TMEM200A: variants seen among roughly 807,000 people sequenced by gnomAD.
TMEM200A encodes the protein two transmembrane C.
TMEM200A carries 12 observed loss-of-function variants against 24.3 expected under a neutral mutation model. The ratio of observed to expected loss-of-function variants is 0.49; its 90% confidence interval spans 0.32 to 0.80. The LOEUF (loss-of-function observed/expected upper bound fraction) is 0.80. TMEM200A is among the 30% of genes least tolerant of loss of function. TMEM200A has a pLI of 0.04. For synonymous variants in TMEM200A, 224 were observed against 224.4 expected, an observed-to-expected ratio of 1.00 and a Z score of 0.02; for missense variants, 545 against 614.4, an observed-to-expected ratio of 0.89 and a Z score of 1.19.
intron 1 of TMEM200A, among the ~76,000 whole-genome samples, chr6:130,373,532 T>C (rs1344536988): frequency 6.6e-6 from 1 of 151,320 alleles, no homozygotes; most frequent in Non-Finnish European, 1.5e-5. Flanking sequence ...AATGTCAGTA[T>C]AATATTGGAT....
At chr6:130,399,721 G>C (rs1025419797) in intron 2 of TMEM200A, among the ~76,000 whole-genome samples, 4 of 150,990 alleles carry the variant, frequency 2.6e-5, no homozygotes, top group Admixed American at 2.0e-4. Flanking sequence ...GTGTACAGGT[G>C]GTATTTGATT....
chr6:130,366,347 G>C lies in TMEM200A; in HGVS notation c.-258G>C. ...CCCGCGGTGGCCGCCCGAGCCCTGGGATGGGGAGGGAGACCGCGGCTGCCC... is the reference window on the plus strand; with the variant it reads ...CCCGCGGTGGCCGCCCGAGCCCTGGCATGGGGAGGGAGACCGCGGCTGCCC... On this transcript the variant is annotated 5_prime_UTR_variant, in exon 1 of 3. Coordinates refer to ENST00000296978, the MANE Select transcript of TMEM200A (RefSeq NM_001258277.2). The surrounding 1 kb of genome is among the most constrained non-coding windows in gnomAD (Gnocchi z 4.4). The C allele has an allele frequency of 1.0e-6, 1 of 985,286 alleles. No homozygotes were observed. The highest frequency in any genetic ancestry group is 1.2e-6 in the Non-Finnish European group (1 of 829,912). 61.0% of individuals were successfully genotyped at this position (985,286 alleles called of 1,614,324 possible). A position where few individuals can be genotyped will look rare whatever the true frequency, so the allele number is the denominator to read the frequency against.
In TMEM200A at chr6:130,442,849, A is replaced by G. The variant is rs952444542; in HGVS notation, c.*951A>G. Reference sequence around the variant, plus strand: ...CTTTAGATCCTAGTATTTGGAAAACAATCGGCTAACCTTGACATTTCTTTT... The same window carrying G: ...CTTTAGATCCTAGTATTTGGAAAACGATCGGCTAACCTTGACATTTCTTTT... On this transcript the variant is annotated 3_prime_UTR_variant, in exon 3 of 3. Transcript: ENST00000296978. 6.0e-6 allele frequency: 1 copy of G among 166,980 alleles called. No individual in the cohort carries two copies. Among genetic ancestry groups the G allele is most frequent in the Non-Finnish European group, 1.5e-5 (1 of 68,074 alleles). The allele number at this position is 166,980 out of a possible 1,614,324, so 10.3% of individuals were successfully genotyped here. A position where few individuals can be genotyped will look rare whatever the true frequency, so the allele number is the denominator to read the frequency against.
At chr6:130,380,039 C>T (rs1279764400) in intron 1 of TMEM200A, among the ~76,000 whole-genome samples, 1 of 152,080 alleles carries the variant, frequency 6.6e-6, no homozygotes, top group African/African-American at 2.4e-5. Context: ...TACTGAAGCC[C>T]TTTTTGAATA....
At position 130,440,824 on chromosome 6, in the gene TMEM200A, G is replaced by A; in HGVS notation, c.402G>A (p.Gly134=). ...AAATGCTTGGCCCATTCACCATGGGGATTGGCATTTTCATTTTCATTTGTG... is the reference window on the plus strand; with the variant it reads ...AAATGCTTGGCCCATTCACCATGGGAATTGGCATTTTCATTTTCATTTGTG... The part of the protein sequence containing the change: ...KMKMLGPFTM[G]IGIFIFICAN... The change falls in exon 3 of 3, where the codon GGG becomes GGA. Residue 134 remains glycine (G), a synonymous_variant. Coordinates refer to ENST00000296978, the MANE Select transcript of TMEM200A (RefSeq NM_001258277.2). 1.2e-6 allele frequency: 2 copies of A among 1,613,914 alleles called. No homozygotes were observed. Among genetic ancestry groups the A allele is most frequent in the Non-Finnish European group, 1.7e-6 (2 of 1,179,910 alleles).
chr6:130,405,043 GT>G (rs1779174821), intron 2 of TMEM200A, among the ~76,000 whole-genome samples: 1 of 152,080 alleles, frequency 6.6e-6, no homozygotes, highest in Admixed American at 6.6e-5. Flanking sequence ...GTACCATGCT[GT>G]TTTACTGTAG....
rs375135807 is a variant in TMEM200A, at chr6:130,441,767, G to A, written c.1345G>A (p.Ala449Thr). The change falls in exon 3 of 3, where the codon GCC becomes ACC. Residue 449 changes from alanine (A) to threonine (T), a missense_variant. Ala to Thr is a moderately conservative substitution (Grantham distance 58, BLOSUM62 0). Transcript: ENST00000296978. The stretch of plus-strand genomic sequence containing the variant: ...GGATAGGTTGCTTGTGCCCCAAGTT[G>A]CCATCAAAAAGGACTTTACCAATAA... ...PMDRLLVPQVAIKKDFTNKEK... is the reference protein window; with the variant it reads ...PMDRLLVPQVTIKKDFTNKEK... 6.2e-7 allele frequency: 1 copy of A among 1,613,886 alleles called. No homozygotes were observed. The highest frequency in any genetic ancestry group is 2.2e-5 in the East Asian group (1 of 44,876).
chr6:130,426,462 C>CCG (rs1779743556), intron 2 of TMEM200A, among the ~76,000 whole-genome samples: 2 of 116,636 alleles, frequency 1.7e-5, no homozygotes, highest in African/African-American at 1.3e-4. Context: ...TTTCTGCAGC[C>CCG]CCCCCCCCCT....
At chr6:130,382,458 A>G (rs1562551642) in intron 1 of TMEM200A, among the ~76,000 whole-genome samples, 1 of 152,154 alleles carries the variant, frequency 6.6e-6, no homozygotes, top group Non-Finnish European at 1.5e-5. Flanking sequence ...GAATTAGTGC[A>G]TCTCTTTCGT....
chr6:130,431,747 G>A (rs4897423), intron 2 of TMEM200A, among the ~76,000 whole-genome samples: 72,782 of 151,792 alleles, frequency 0.48, 21,697 homozygotes, highest in African/African-American at 0.85. Context: ...TCATTGTTAC[G>A]CAGCTCATAA....
chr6:130,430,939 T>G (rs769921293), intron 2 of TMEM200A, among the ~76,000 whole-genome samples: 2 of 152,220 alleles, frequency 1.3e-5, no homozygotes, highest in Non-Finnish European at 2.9e-5. Flanking sequence ...TACAGTATAT[T>G]AGTCTGTGGC....
chr6:130,430,653 C>A (rs1455832956), intron 2 of TMEM200A, among the ~76,000 whole-genome samples: 4 of 152,056 alleles, frequency 2.6e-5, no homozygotes, highest in African/African-American at 4.8e-5. Context: ...CCCTTAAATG[C>A]TAAAAGAATT....
At chr6:130,404,433 G>T (rs1424942811) in intron 2 of TMEM200A, among the ~76,000 whole-genome samples, 1 of 152,132 alleles carries the variant, frequency 6.6e-6, no homozygotes, top group African/African-American at 2.4e-5. Context: ...GATTAGTGAT[G>T]ATGAGTTTTA....
intron 2 of TMEM200A, among the ~76,000 whole-genome samples, chr6:130,394,579 T>C (rs1189400958): frequency 6.6e-6 from 1 of 152,190 alleles, no homozygotes; most frequent in Non-Finnish European, 1.5e-5. Flanking sequence ...TGGGAGGACA[T>C]TTTTTGGCAA....
chr6:130,414,869 C>T (rs1013251153), intron 2 of TMEM200A, among the ~76,000 whole-genome samples: 3 of 152,088 alleles, frequency 2.0e-5, no homozygotes, highest in Non-Finnish European at 2.9e-5. Flanking sequence ...GGTAAACCAG[C>T]AAATACATAT....
chr6:130,394,399 C>T lies in TMEM200A; in HGVS notation c.-17+9163C>T, dbSNP rs552868184. 2.0e-4 allele frequency among the ~76,000 whole-genome samples: 31 copies of T among 152,312 alleles called. No individual in the cohort carries two copies. The East Asian group carries it at 6.0e-3, about 30-fold the overall frequency. ...CAGGTTTCTGTTGGGAGCTGGAATG[C>T]ATCCCCGTAAATACTCAGAGTGGCA... On this transcript the variant is annotated intron_variant, in intron 2 of 2. Coordinates refer to ENST00000296978, the MANE Select transcript of TMEM200A (RefSeq NM_001258277.2).
rs1371089518 is a variant in TMEM200A, at chr6:130,366,856, T to C, written c.-81+332T>C. ...TTCTCTGTAATGTCCACAGCGTTAATTCATGATTGAGCAAAGTATGGTCAG... is the reference window on the plus strand; with the variant it reads ...TTCTCTGTAATGTCCACAGCGTTAACTCATGATTGAGCAAAGTATGGTCAG... On this transcript the variant is annotated intron_variant, in intron 1 of 2. Transcript: ENST00000296978. The surrounding 1 kb of genome is among the most constrained non-coding windows in gnomAD (Gnocchi z 4.4). Among the ~76,000 whole-genome samples, 1 of 152,190 alleles carries C rather than the reference T, an allele frequency of 6.6e-6. No homozygotes were observed. Among genetic ancestry groups the C allele is most frequent in the Non-Finnish European group, 1.5e-5 (1 of 68,030 alleles).
At chr6:130,394,398 G>T (rs916269248) in intron 2 of TMEM200A, among the ~76,000 whole-genome samples, 1 of 152,188 alleles carries the variant, frequency 6.6e-6, no homozygotes, top group Non-Finnish European at 1.5e-5. Flanking sequence ...GAGCTGGAAT[G>T]CATCCCCGTA....
intron 1 of TMEM200A, among the ~76,000 whole-genome samples, chr6:130,374,794 T>G (rs1778410832): frequency 6.6e-6 from 1 of 152,154 alleles, no homozygotes; most frequent in South Asian, 2.1e-4. Context: ...AGAAACAAAC[T>G]TCCTGAATTT....
Sources: gnomAD v4.1 joint callset for allele counts (sites outside exome capture counted in the v4.1 genomes callset) on GRCh38, gnomAD v4.1.1 for gene constraint, Gnocchi (gnomAD v3.1) non-coding constraint, MANE v1.5 for transcripts, NCBI Gene and HGNC (gene_info 2026-07-23, HGNC 2026-07-21) for gene names.